LINS1: variants seen among roughly 807,000 people sequenced by gnomAD.
The protein encoded by LINS1 is protein Lines homolog 1.
In LINS1, 27 loss-of-function variants were observed where a neutral mutation model predicts 41.6. The ratio of observed to expected loss-of-function variants is 0.65; its 90% CI spans 0.48 to 0.89. LINS1 has a LOEUF of 0.89. Ranked by LOEUF, LINS1 falls within the 40% of genes least tolerant of loss-of-function variation. The probability of loss-of-function intolerance (pLI) is 0.00; values close to 1 mark genes in which losing one functional copy is unlikely to be tolerated. For missense variants in LINS1, 955 were observed against 884.1 expected (o/e 1.08, Z -1.02); for synonymous variants, 336 against 312.9 (o/e 1.07, Z -0.78).
chr15:100,588,480 T>C (rs1038103691), intron 1 of LINS1, among the ~76,000 whole-genome samples: 8 of 152,252 alleles, frequency 5.3e-5, no homozygotes, highest in Non-Finnish European at 1.2e-4. Context: ...ATTTAGTTCA[T>C]GTGACTTAAG....
intron 1 of LINS1, among the ~76,000 whole-genome samples, chr15:100,600,595 G>A (rs1201510108): frequency 2.4e-5 from 3 of 127,590 alleles, no homozygotes; most frequent in South Asian, 4.8e-4. Context: ...TGGTAGAATC[G>A]AAAGACCGAA....
chr15:100,574,857 T>C, intron 4 of LINS1, 130 bp downstream of exon 4: 2 of 974,542 alleles, frequency 2.1e-6, no homozygotes, highest in Non-Finnish European at 3.1e-6. Context: ...TCAAAATATA[T>C]TGGAAGAGAC....
chr15:100,591,967 G>A (rs1460372543), intron 1 of LINS1, among the ~76,000 whole-genome samples: 1 of 152,154 alleles, frequency 6.6e-6, no homozygotes, highest in Non-Finnish European at 1.5e-5. Flanking sequence ...AGGGACATAG[G>A]CTAATTCACG....
intron 5 of LINS1, chr15:100,573,320 A>C: frequency 9.4e-7 from 1 of 1,068,294 alleles, no homozygotes; most frequent in Non-Finnish European, 1.2e-6. Context: ...AGATTAAAAA[A>C]AAAAAAAGGA....
intron 3 of LINS1, among the ~76,000 whole-genome samples, chr15:100,575,463 A>G (rs1038562857): frequency 5.3e-5 from 8 of 152,222 alleles, no homozygotes; most frequent in African/African-American, 1.9e-4. Flanking sequence ...CAATTCAACA[A>G]GAAGAGCTAA....
intron 3 of LINS1, among the ~76,000 whole-genome samples, chr15:100,578,125 A>C (rs1293802766): frequency 6.6e-6 from 1 of 152,174 alleles, no homozygotes; most frequent in African/African-American, 2.4e-5. Context: ...CAAGGACTTC[A>C]TGTCTAAAAC....
chr15:100,597,066 C>A (rs188272522), intron 1 of LINS1: 1 of 152,212 alleles, frequency 6.6e-6, no homozygotes, highest in Non-Finnish European at 1.5e-5. Context: ...GCCCTGACCA[C>A]ATTACACGCC....
intron 1 of LINS1, among the ~76,000 whole-genome samples, chr15:100,599,640 C>T (rs1334612622): frequency 6.6e-6 from 1 of 152,184 alleles, no homozygotes; most frequent in Non-Finnish European, 1.5e-5. Context: ...ATATGTTCTC[C>T]ACAACAATTT....
At chr15:100,583,893 A>G (rs1895723371) in intron 1 of LINS1, among the ~76,000 whole-genome samples, 1 of 151,882 alleles carries the variant, frequency 6.6e-6, no homozygotes, top group African/African-American at 2.4e-5. Context: ...TATTTTAGTT[A>G]TAATAACATT....
chr15:100,576,772 T>G (rs892462403), intron 3 of LINS1: 1 of 152,196 alleles, frequency 6.6e-6, no homozygotes, highest in Non-Finnish European at 1.5e-5. Context: ...GAGAAAATCC[T>G]CAGTAAAATA....
At chr15:100,600,920 G>A (rs186110760) in intron 1 of LINS1, among the ~76,000 whole-genome samples, 1 of 152,038 alleles carries the variant, frequency 6.6e-6, no homozygotes, top group Admixed American at 6.5e-5. Context: ...GCTTACCAAG[G>A]CCCTTCAAGA....
chr15:100,580,327 T>G lies in LINS1; in HGVS notation c.425A>C (p.Lys142Thr), dbSNP rs1448213530. ...CTGTGCAGCCATGTGAGATAACAAT[T>G]TATCTGAATTTTGGAACATGCAGAT... ...KLICMFQNSD[K>T]LLSHMAAQCL... Residue 142 changes from lysine (K) to threonine (T), a missense_variant, in exon 3 of 7, where the codon AAA (lysine) becomes ACA (threonine). Transcript: ENST00000314742. 6 of 1,612,958 alleles carry G rather than the reference T, an allele frequency of 3.7e-6. No homozygotes were observed. Among genetic ancestry groups the G allele is most frequent in the Non-Finnish European group, 5.1e-6 (6 of 1,179,294 alleles).
intron 3 of LINS1, among the ~76,000 whole-genome samples, chr15:100,579,068 T>C (rs1192811734): frequency 1.3e-5 from 2 of 151,940 alleles, no homozygotes; most frequent in Non-Finnish European, 2.9e-5. Context: ...GAGATACACC[T>C]AATGTAAATG....
At chr15:100,570,751 TTTAG>T (rs1161465207) in intron 6 of LINS1, 1 of 152,234 alleles carries the variant, frequency 6.6e-6, no homozygotes, top group African/African-American at 2.4e-5. Context: ...AACTTGACCC[TTTAG>T]AATTCCCAGT....
chr15:100,571,974 C>G lies in LINS1; in HGVS notation c.1314G>C (p.Leu438=), dbSNP rs752833807. Reference sequence around the variant, plus strand: ...CGTCTTGTTCTATGAAAACCCGAGACAGCCATTTGCACGGATTGTGTAATT... The same window carrying G: ...CGTCTTGTTCTATGAAAACCCGAGAGAGCCATTTGCACGGATTGTGTAATT... The part of the protein sequence containing the change: ...SLQLHNPCKW[L]SRVFIEQDDD... Residue 438 remains leucine (L), a synonymous_variant, in exon 6 of 7, where the codon CTG becomes CTC. Coordinates refer to ENST00000314742, the MANE Select transcript of LINS1 (RefSeq NM_001040616.3). 7 of 1,614,218 alleles carry G rather than the reference C, an allele frequency of 4.3e-6. No homozygotes were observed. The highest frequency in any genetic ancestry group is 3.3e-5 in the Admixed American group (2 of 60,030).
intron 1 of LINS1, among the ~76,000 whole-genome samples, chr15:100,591,601 GT>G (rs2039039855): frequency 6.6e-6 from 1 of 152,152 alleles, no homozygotes; most frequent in Admixed American, 6.5e-5. Context: ...AACAGACTAG[GT>G]TTTGTTTTTT....
chr15:100,600,550 G>GAAAAAAAAAAA (rs1567106000), intron 1 of LINS1, among the ~76,000 whole-genome samples: 3 of 3,152 alleles, frequency 9.5e-4, no homozygotes, highest in Non-Finnish European at 3.1e-3. Flanking sequence ...CTGCTGTTAA[G>GAAAAAAAAAAA]CAAAAAAAAA....
chr15:100,601,448 C>G (rs1296503021), intron 1 of LINS1, among the ~76,000 whole-genome samples: 1 of 152,148 alleles, frequency 6.6e-6, no homozygotes, highest in Non-Finnish European at 1.5e-5. Context: ...AGACAGAACC[C>G]TCACGGTCCA....
chr15:100,574,367 A>G, intron 4 of LINS1, 126 bp from the exon 5 acceptor site: 1 of 696,792 alleles, frequency 1.4e-6, no homozygotes, highest in Non-Finnish European at 2.5e-6. Flanking sequence ...TACCTCTAAC[A>G]TTAACAAATG....
Sources: allele counts gnomAD v4.1 joint callset (sites outside exome capture counted in the v4.1 genomes callset), GRCh38; gene constraint gnomAD v4.1.1; transcripts MANE v1.5; gene names NCBI Gene and HGNC (gene_info 2026-07-23, HGNC 2026-07-21).